PGCKA1: variants seen among roughly 807,000 people sequenced by gnomAD.
PGCKA1 encodes PDCD10 and GCKIII kinases associated 1, also known as PDCD10 and GCKIII kinases-associated protein 1.
At chr4:37,533,583 C>T in the PGCKA1 span, among the ~76,000 whole-genome samples, 1 of 152,182 alleles carries the variant, frequency 6.6e-6, no homozygotes, top group Non-Finnish European at 1.5e-5. Context: ...ATTCCAAGAA[C>T]AGCCCTCCTT....
the PGCKA1 span, among the ~76,000 whole-genome samples, chr4:37,575,992 A>G: frequency 6.6e-6 from 1 of 152,152 alleles, no homozygotes; most frequent in Non-Finnish European, 1.5e-5. Flanking sequence ...TGTACCGATT[A>G]CTATATCTCT....
chr4:37,541,142 C>T, the PGCKA1 span, among the ~76,000 whole-genome samples: 35,005 of 151,956 alleles, frequency 0.23, 4,603 homozygotes, highest in East Asian at 0.39. Flanking sequence ...ACTGAAATCT[C>T]GCAGAGTCAG....
the PGCKA1 span, among the ~76,000 whole-genome samples, chr4:37,531,873 A>T: frequency 6.7e-6 from 1 of 148,390 alleles, no homozygotes; most frequent in South Asian, 2.2e-4. Flanking sequence ...GCCTGGGCGA[A>T]AGAGCTAGAA....
chr4:37,565,629 CT>C, the PGCKA1 span, among the ~76,000 whole-genome samples: 119 of 152,310 alleles, frequency 7.8e-4, no homozygotes, highest in African/African-American at 2.7e-3. Flanking sequence ...TTTCAGGAGC[CT>C]TTTGACCCCA....
the PGCKA1 span, among the ~76,000 whole-genome samples, chr4:37,523,595 A>G: frequency 1.3e-5 from 2 of 152,172 alleles, no homozygotes; most frequent in African/African-American, 4.8e-5. Flanking sequence ...GTTTTCATAT[A>G]AACCAGAGGG....
chr4:37,468,858 A>G, the PGCKA1 span, among the ~76,000 whole-genome samples: 1 of 152,164 alleles, frequency 6.6e-6, no homozygotes, highest in Non-Finnish European at 1.5e-5. Flanking sequence ...TTAAGTATCC[A>G]TGTAATGCAT....
the PGCKA1 span, among the ~76,000 whole-genome samples, chr4:37,583,444 T>G: frequency 6.7e-6 from 1 of 148,778 alleles, no homozygotes; most frequent in Non-Finnish European, 1.5e-5. Context: ...TGTTTTTGTT[T>G]TTTTTTTTTT....
chr4:37,460,735 G>A, the PGCKA1 span: 1 of 344,786 alleles, frequency 2.9e-6, no homozygotes, highest in African/African-American at 2.2e-5. Flanking sequence ...CTGGAAATTA[G>A]ACCTTTGTCA....
the PGCKA1 span, among the ~76,000 whole-genome samples, chr4:37,510,469 C>T: frequency 6.6e-6 from 1 of 152,058 alleles, no homozygotes; most frequent in Non-Finnish European, 1.5e-5. Context: ...GTACTGGTAC[C>T]ACCTTGGTGG....
At chr4:37,533,425 G>A in the PGCKA1 span, among the ~76,000 whole-genome samples, 18 of 152,158 alleles carry the variant, frequency 1.2e-4, no homozygotes, top group African/African-American at 1.9e-4. Context: ...CACGCATATC[G>A]TTATATGATC....
At chr4:37,584,066 T>C in the PGCKA1 span, among the ~76,000 whole-genome samples, 1 of 152,228 alleles carries the variant, frequency 6.6e-6, no homozygotes, top group Admixed American at 6.5e-5. Flanking sequence ...CCCCTGGGCT[T>C]AGGAGAAGTC....
chr4:37,486,575 G>A, the PGCKA1 span, among the ~76,000 whole-genome samples: 1 of 152,072 alleles, frequency 6.6e-6, no homozygotes. Flanking sequence ...TGCCAAACTC[G>A]GGCAGCCATT....
At chr4:37,478,136 A>T in the PGCKA1 span, among the ~76,000 whole-genome samples, 21 of 110,512 alleles carry the variant, frequency 1.9e-4, no homozygotes, top group Non-Finnish European at 1.2e-4. Context: ...TTTTTATTTT[A>T]AAAACACCCC....
the PGCKA1 span, among the ~76,000 whole-genome samples, chr4:37,585,638 T>G: frequency 7.3e-6 from 1 of 137,694 alleles, no homozygotes; most frequent in African/African-American, 2.7e-5. Context: ...TGAGGAGAGG[T>G]GTTGAGGGAG....
the PGCKA1 span, among the ~76,000 whole-genome samples, chr4:37,575,296 G>A: frequency 2.0e-5 from 3 of 152,124 alleles, no homozygotes; most frequent in African/African-American, 7.2e-5. Flanking sequence ...CATTCTAACA[G>A]GGTTGAAATG....
At chr4:37,466,192 A>G in the PGCKA1 span, among the ~76,000 whole-genome samples, 1 of 152,224 alleles carries the variant, frequency 6.6e-6, no homozygotes, top group Non-Finnish European at 1.5e-5. Flanking sequence ...TAATGAGGCT[A>G]GCATACCTGT....
the PGCKA1 span, among the ~76,000 whole-genome samples, chr4:37,492,601 G>C: frequency 6.6e-6 from 1 of 152,118 alleles, no homozygotes; most frequent in Non-Finnish European, 1.5e-5. The surrounding 1 kb of genome is among the most constrained non-coding windows in gnomAD (Gnocchi z 4.7). Context: ...CCTATGCTTC[G>C]GGCATATTTA....
the PGCKA1 span, among the ~76,000 whole-genome samples, chr4:37,491,544 A>G: frequency 2.6e-5 from 4 of 152,124 alleles, no homozygotes; most frequent in Non-Finnish European, 4.4e-5. Context: ...CCAATTGTTA[A>G]TATTCTTTCA....
At chr4:37,553,396 G>A in the PGCKA1 span, among the ~76,000 whole-genome samples, 83 of 137,426 alleles carry the variant, frequency 6.0e-4, no homozygotes, top group Middle Eastern at 3.8e-3. Context: ...CCTGGATGTT[G>A]TTAGTTTCAT....
Sources: gnomAD v4.1 joint callset for allele counts (sites outside exome capture counted in the v4.1 genomes callset) on GRCh38, gnomAD v4.1.1 for gene constraint, Gnocchi (gnomAD v3.1) non-coding constraint, MANE v1.5 for transcripts, NCBI Gene and HGNC (gene_info 2026-07-23, HGNC 2026-07-21) for gene names.